ANKS1B: variants seen among roughly 807,000 people sequenced by gnomAD.
ANKS1B encodes ankyrin repeat and sterile alpha motif domain containing 1B, also known as ankyrin repeat and sterile alpha motif domain-containing protein 1B.
ANKS1B carries 36 observed loss-of-function variants against 148.3 expected under a neutral mutation model. The ratio of observed to expected loss-of-function variants is 0.24; its 90% CI spans 0.19 to 0.32. The LOEUF (loss-of-function observed/expected upper bound fraction) is 0.32, where lower values mean the gene tolerates loss of function less well. Among genes scored for constraint, ANKS1B ranks in the 10% least tolerant of loss-of-function variants. The pLI, the probability that ANKS1B is intolerant of heterozygous loss-of-function variation, is 1.00. For synonymous variants in ANKS1B, 542 were observed against 560.8 expected, an observed-to-expected ratio of 0.97 and a Z score of 0.47; for missense variants, 1,157 against 1,542.6, an observed-to-expected ratio of 0.75 and a Z score of 4.19.
At chr12:99,177,621 A>G (rs1459221722) in intron 14 of ANKS1B, among the ~76,000 whole-genome samples, 1 of 152,266 alleles carries the variant, frequency 6.6e-6, no homozygotes, top group African/African-American at 2.4e-5. Context: ...CTGCTGCATT[A>G]GCACATCCCA....
At chr12:99,662,713 T>C (rs1486949003) in intron 8 of ANKS1B, among the ~76,000 whole-genome samples, 5 of 152,192 alleles carry the variant, frequency 3.3e-5, no homozygotes, top group Admixed American at 2.0e-4. Context: ...ATGACAACCA[T>C]TGGTGCACAA....
chr12:99,845,492 T>G (rs1417965536), intron 1 of ANKS1B, among the ~76,000 whole-genome samples: 1 of 152,062 alleles, frequency 6.6e-6, no homozygotes, highest in East Asian at 1.9e-4. Flanking sequence ...ATCATGTGGT[T>G]TCTTTACTTC....
chr12:99,457,876 A>G (rs2095872791), intron 10 of ANKS1B, among the ~76,000 whole-genome samples: 1 of 152,154 alleles, frequency 6.6e-6, no homozygotes. Flanking sequence ...TCAAGACAGA[A>G]AGTCAACAAA....
At chr12:98,811,301 C>T (rs573921338) in intron 19 of ANKS1B, among the ~76,000 whole-genome samples, 1 of 152,212 alleles carries the variant, frequency 6.6e-6, no homozygotes, top group South Asian at 2.1e-4. Context: ...CTGAAGGGGA[C>T]CCAGGGGGAC....
intron 9 of ANKS1B, among the ~76,000 whole-genome samples, chr12:99,518,352 T>TTGC (rs1468866187): frequency 6.6e-6 from 1 of 152,150 alleles, no homozygotes; most frequent in African/African-American, 2.4e-5. Flanking sequence ...AGGCTTTTAT[T>TTGC]TGCTGGGAGA....
chr12:99,333,183 G>C (rs2087936699), intron 12 of ANKS1B, among the ~76,000 whole-genome samples: 1 of 152,076 alleles, frequency 6.6e-6, no homozygotes, highest in Non-Finnish European at 1.5e-5. Flanking sequence ...AGAGGATACT[G>C]ACTGCCATGC....
In ANKS1B at chr12:99,548,945, T is replaced by C. The variant is rs190084154; in HGVS notation, c.1273-44304A>G. Among the ~76,000 whole-genome samples the C allele has an allele frequency of 3.9e-4, 59 of 151,870 alleles. 2 individuals are homozygous for C. In the East Asian group the frequency reaches 9.9e-3, roughly 26 times the overall value. On this transcript the variant is annotated intron_variant, in intron 9 of 26. Transcript: ENST00000683438. ...GAATTATGAAACCAAAATAGATAAT[T>C]ACAACTATGATTAATGCAATAATGG...
At chr12:99,903,987 G>A (rs1367277807) in intron 1 of ANKS1B, among the ~76,000 whole-genome samples, 1 of 152,148 alleles carries the variant, frequency 6.6e-6, no homozygotes, top group Non-Finnish European at 1.5e-5. Context: ...GTGATCAAGA[G>A]CGATATATGA....
intron 17 of ANKS1B, among the ~76,000 whole-genome samples, chr12:98,873,141 T>C (rs1322786210): frequency 2.0e-5 from 3 of 152,184 alleles, no homozygotes; most frequent in Admixed American, 2.0e-4. Context: ...AGGTGGTGCC[T>C]CTGCTACACC....
At chr12:99,887,912 G>A (rs771564015) in intron 1 of ANKS1B, among the ~76,000 whole-genome samples, 6 of 152,144 alleles carry the variant, frequency 3.9e-5, no homozygotes, top group Non-Finnish European at 5.9e-5. Flanking sequence ...ACAGAATGGT[G>A]GTCACTGAGT....
At chr12:99,353,435 A>G (rs1317471217) in intron 12 of ANKS1B, among the ~76,000 whole-genome samples, 1 of 152,064 alleles carries the variant, frequency 6.6e-6, no homozygotes, top group Non-Finnish European at 1.5e-5. Flanking sequence ...CACTTCATAC[A>G]CAAAAACCAC....
chr12:99,784,628 T>TGGA (rs2064803637), intron 4 of ANKS1B, among the ~76,000 whole-genome samples: 1 of 152,168 alleles, frequency 6.6e-6, no homozygotes, highest in South Asian at 2.1e-4. Context: ...AAGAACCATG[T>TGGA]GGAGAAACTG....
At chr12:99,681,940 A>C (rs2098621478) in intron 8 of ANKS1B, among the ~76,000 whole-genome samples, 1 of 152,208 alleles carries the variant, frequency 6.6e-6, no homozygotes, top group Non-Finnish European at 1.5e-5. Context: ...CCATGCAAAC[A>C]GACACCAAAA....
At chr12:99,516,025 A>G (rs1170296147) in intron 9 of ANKS1B, among the ~76,000 whole-genome samples, 1 of 152,012 alleles carries the variant, frequency 6.6e-6, no homozygotes, top group Non-Finnish European at 1.5e-5. Flanking sequence ...ATTTTTTCCT[A>G]TAGAGTTGTT....
intron 9 of ANKS1B, among the ~76,000 whole-genome samples, chr12:99,600,688 G>A (rs1484401761): frequency 6.6e-6 from 1 of 152,004 alleles, no homozygotes; most frequent in Non-Finnish European, 1.5e-5. Context: ...GTTAGCTCAG[G>A]AGGGATTTCA....
rs78332660 is a variant in ANKS1B, at chr12:99,555,191, G to A, written c.1273-50550C>T. Among the ~76,000 whole-genome samples, 1,496 of 152,154 alleles carry A rather than the reference G, an allele frequency of 9.8e-3. 13 individuals are homozygous for A. The highest frequency in any genetic ancestry group is 0.034 in the African/African-American group (1,423 of 41,510). Reference sequence around the variant, plus strand: ...ATATACCCAATAATGGAATTACTGCGTGAAATGGTAGCTCCATTTTAAGTT... The same window carrying A: ...ATATACCCAATAATGGAATTACTGCATGAAATGGTAGCTCCATTTTAAGTT... On this transcript the variant is annotated intron_variant, in intron 9 of 26. Coordinates refer to ENST00000683438, the MANE Select transcript of ANKS1B (RefSeq NM_001352186.2).
At chr12:99,964,264 C>G (rs538590765) in intron 1 of ANKS1B, among the ~76,000 whole-genome samples, 11 of 152,138 alleles carry the variant, frequency 7.2e-5, no homozygotes, top group Non-Finnish European at 8.8e-5. Flanking sequence ...CTGATGTTAC[C>G]TAAAATCATT....
intron 1 of ANKS1B, among the ~76,000 whole-genome samples, chr12:99,845,369 A>G (rs1464618391): frequency 2.0e-5 from 3 of 152,170 alleles, no homozygotes; most frequent in East Asian, 1.9e-4. Flanking sequence ...GGTTTGTCTT[A>G]TATGGCTCTT....
rs2056919973 is a variant in ANKS1B at position 99,713,591 on chromosome 12, G to C, written c.1129-58381C>G. On this transcript the variant is annotated intron_variant, in intron 8 of 26. Transcript: ENST00000683438. The stretch of plus-strand genomic sequence containing the variant: ...TGACTGCAGAACAAAATTCTGCTGA[G>C]TCTTCTGCCACCAAATAACAAAGAA... Among the ~76,000 whole-genome samples, 3 of 152,156 alleles carry C rather than the reference G, an allele frequency of 2.0e-5. No individual in the cohort carries two copies. The South Asian group carries it at 6.2e-4, about 32-fold the overall frequency.
Sources: gnomAD v4.1 joint callset for allele counts (sites outside exome capture counted in the v4.1 genomes callset) on GRCh38, gnomAD v4.1.1 for gene constraint, MANE v1.5 for transcripts, NCBI Gene and HGNC (gene_info 2026-07-23, HGNC 2026-07-21) for gene names.